The following NTRK3 variants were observed in gnomAD, a reference collection of about 807,000 sequenced individuals.
The protein encoded by NTRK3 is NT-3 growth factor receptor.
In NTRK3, 24 loss-of-function variants were observed where a neutral mutation model predicts 91.7. That is an observed-to-expected ratio of 0.26 (90% confidence interval 0.19 to 0.37). The LOEUF (loss-of-function observed/expected upper bound fraction) is 0.37, where lower values mean the gene tolerates loss of function less well. NTRK3 is among the 10% of genes least tolerant of loss of function. NTRK3 has a pLI of 1.00. For synonymous variants in NTRK3, 483 were observed against 404.0 expected (o/e 1.20, Z -2.34); for missense variants, 880 against 1,068.9 (o/e 0.82, Z 2.46).
In NTRK3 at chr15:88,146,406, G is replaced by C. The variant is rs765901480; in HGVS notation, c.464+929C>G. On this transcript the variant is annotated intron_variant, in intron 6 of 18. Transcript: ENST00000394480. ...AAGCAATCAGCATTCAGTGAATTTG[G>C]ATCTGCGTCACCAAGTAAGAGGGAA... Among the ~76,000 whole-genome samples the C allele has an allele frequency of 2.6e-5, 4 of 152,164 alleles. No individual in the cohort carries two copies. In the East Asian group the frequency reaches 5.8e-4, roughly 22 times the overall value.
At chr15:87,946,162 TG>T (rs2070474121) in intron 14 of NTRK3, 2 of 152,194 alleles carry the variant, frequency 1.3e-5, no homozygotes, top group South Asian at 4.1e-4. Context: ...AGGAGTAAGC[TG>T]GCCCTGGCTC....
At chr15:88,113,311 CTTTTTT>C (rs60232101) in intron 13 of NTRK3, among the ~76,000 whole-genome samples, 89 of 111,644 alleles carry the variant, frequency 8.0e-4, no homozygotes, top group East Asian at 5.2e-3. Flanking sequence ...TGATCAATTT[CTTTTTT>C]TTTTTTTTTT....
At chr15:87,978,966 C>G in intron 14 of NTRK3, 1 of 362,304 alleles carries the variant, frequency 2.8e-6, no homozygotes, top group East Asian at 4.5e-5. Flanking sequence ...GGCTGGAGCA[C>G]GGCTGGACTT....
At chr15:88,171,242 C>T (rs927633075) in intron 5 of NTRK3, among the ~76,000 whole-genome samples, 2 of 152,174 alleles carry the variant, frequency 1.3e-5, no homozygotes, top group East Asian at 1.9e-4. Flanking sequence ...CAGGTCACCA[C>T]ACCCCTTTTT....
At chr15:87,898,709 G>C (rs1438699523) in intron 17 of NTRK3, among the ~76,000 whole-genome samples, 1 of 151,552 alleles carries the variant, frequency 6.6e-6, no homozygotes, top group Non-Finnish European at 1.5e-5. Context: ...TTCTAGGCTG[G>C]GTGCTGTGGC....
At chr15:88,220,093 A>G (rs1297733451) in intron 3 of NTRK3, among the ~76,000 whole-genome samples, 2 of 152,248 alleles carry the variant, frequency 1.3e-5, no homozygotes, top group Non-Finnish European at 2.9e-5. Flanking sequence ...AAGAAGGCAT[A>G]ATCAGCAGAC....
intron 14 of NTRK3, among the ~76,000 whole-genome samples, chr15:88,017,535 C>G (rs753479120): frequency 2.0e-5 from 3 of 152,212 alleles, no homozygotes; most frequent in Non-Finnish European, 4.4e-5. Context: ...ATGTCTCCAT[C>G]TCACCTTAGC....
At position 88,179,639 on chromosome 15, in the gene NTRK3, C is replaced by T. The variant is rs145440428; in HGVS notation, c.395+3779G>A. ...GAGCCATGCCAGAGAAAACACACCC[C>T]ATAAAGGGAAAGAGGGGCCAGCTGC... On this transcript the variant is annotated intron_variant, in intron 5 of 18. Coordinates refer to ENST00000394480, the Ensembl canonical transcript of NTRK3. 2.7e-3 allele frequency among the ~76,000 whole-genome samples: 411 copies of T among 152,300 alleles called. 7 individuals carry two copies. The East Asian group carries it at 0.032, about 12-fold the overall frequency.
intron 14 of NTRK3, among the ~76,000 whole-genome samples, chr15:87,990,756 A>G (rs567180213): frequency 6.6e-6 from 1 of 152,198 alleles, no homozygotes; most frequent in East Asian, 1.9e-4. Context: ...AAATCTATAT[A>G]TGTTTATCTC....
At chr15:88,214,767 A>C (rs967068475) in intron 3 of NTRK3, among the ~76,000 whole-genome samples, 6 of 151,908 alleles carry the variant, frequency 3.9e-5, no homozygotes, top group African/African-American at 1.5e-4. Context: ...ACGCCTTCCC[A>C]TACGAGCCCA....
chr15:88,256,719 G>A, exon 1 of NTRK3: 1 of 366,058 alleles, frequency 2.7e-6, no homozygotes, highest in Non-Finnish European at 4.8e-6. Flanking sequence ...TCGCCGCGCG[G>A]CTGCAGAAAT....
chr15:88,053,662 A>T (rs2045430690), intron 13 of NTRK3, among the ~76,000 whole-genome samples: 1 of 152,236 alleles, frequency 6.6e-6, no homozygotes, highest in African/African-American at 2.4e-5. Context: ...ATAATAGGGA[A>T]AATAATAGCA....
chr15:87,944,406 T>C (rs547962380), intron 14 of NTRK3, among the ~76,000 whole-genome samples: 1 of 152,338 alleles, frequency 6.6e-6, no homozygotes, highest in South Asian at 2.1e-4. Flanking sequence ...ATTCAACACC[T>C]ACTGTGTGTT....
At chr15:88,210,986 C>A (rs1160052917) in intron 3 of NTRK3, among the ~76,000 whole-genome samples, 1 of 152,068 alleles carries the variant, frequency 6.6e-6, no homozygotes, top group Non-Finnish European at 1.5e-5. Context: ...ATATACTCCA[C>A]TCATTAAAAA....
intron 14 of NTRK3, among the ~76,000 whole-genome samples, chr15:88,002,483 A>G (rs528179583): frequency 1.4e-4 from 22 of 152,104 alleles, no homozygotes; most frequent in Admixed American, 2.6e-4. Context: ...CCCTTCCCCA[A>G]TTAATATATC....
chr15:88,232,153 C>T (rs1166499638), intron 3 of NTRK3, among the ~76,000 whole-genome samples: 2 of 152,076 alleles, frequency 1.3e-5, no homozygotes, highest in African/African-American at 4.8e-5. Context: ...CTGTGTGCTG[C>T]ACCTTCCGCC....
intron 3 of NTRK3, among the ~76,000 whole-genome samples, chr15:88,205,586 C>T (rs577572702): frequency 5.3e-5 from 8 of 152,280 alleles, no homozygotes; most frequent in African/African-American, 1.7e-4. Context: ...CCCTCTATTT[C>T]CTGAGCACTG....
intron 3 of NTRK3, among the ~76,000 whole-genome samples, chr15:88,211,659 A>G (rs2049257617): frequency 6.6e-6 from 1 of 152,260 alleles, no homozygotes; most frequent in African/African-American, 2.4e-5. Context: ...AAGGTGAACT[A>G]GTTCTCACAA....
Position 88,241,135 on chromosome 15 carries a change from G to A in NTRK3, c.248+14771C>T, listed in dbSNP as rs1182858153. ...GAAACAGGAACATTAACAAGCTAAT[G>A]CCATATAGGACACATCGTGGGGCTC... On this transcript the variant is annotated intron_variant, in intron 3 of 18. Transcript: ENST00000394480. The surrounding 1 kb of genome is among the most constrained non-coding windows in gnomAD (Gnocchi z 4.3). Among the ~76,000 whole-genome samples the A allele has an allele frequency of 6.6e-6, 1 of 152,202 alleles. No homozygotes were observed. The highest frequency in any genetic ancestry group is 1.5e-5 in the Non-Finnish European group (1 of 68,028).
Sources: gnomAD v4.1 joint callset for allele counts (sites outside exome capture counted in the v4.1 genomes callset) on GRCh38, gnomAD v4.1.1 for gene constraint, Gnocchi (gnomAD v3.1) non-coding constraint, MANE v1.5 for transcripts, NCBI Gene and HGNC (gene_info 2026-07-23, HGNC 2026-07-21) for gene names.